Variants in UAP1 observed in about 807,000 individuals in gnomAD.
The protein encoded by UAP1 is UDP-N-acetylglucosamine pyrophosphorylase 1, also known as UDP-N-acetylhexosamine pyrophosphorylase.
In UAP1, 25 loss-of-function variants were observed where a neutral mutation model predicts 58.5. The observed-to-expected ratio is 0.43, with a 90% confidence interval of 0.31 to 0.60. The LOEUF (loss-of-function observed/expected upper bound fraction) is 0.60, where lower values mean the gene tolerates loss of function less well. Among genes scored for constraint, UAP1 ranks in the 20% least tolerant of loss-of-function variants. The pLI is 0.11. For synonymous variants in UAP1, 208 were observed against 213.0 expected (o/e 0.98, Z 0.21); for missense variants, 575 against 630.0 (o/e 0.91, Z 0.93).
At chr1:162,590,348 C>A (rs752863150) in exon 8 of UAP1, 2 of 1,611,420 alleles carry the variant, frequency 1.2e-6, no homozygotes, top group African/African-American at 2.7e-5. Flanking sequence ...TGAAGTATTG[C>A]GAGAAGATGA....
intron 3 of UAP1, among the ~76,000 whole-genome samples, chr1:162,577,186 A>G (rs891791273): frequency 6.6e-6 from 1 of 152,054 alleles, no homozygotes; most frequent in Non-Finnish European, 1.5e-5. Context: ...ATATATACTC[A>G]CCGCCAACTT....
At chr1:162,569,602 ATTC>A (rs948748737) in intron 2 of UAP1, among the ~76,000 whole-genome samples, 3 of 152,204 alleles carry the variant, frequency 2.0e-5, no homozygotes, top group African/African-American at 7.2e-5. Context: ...AAAAATTCCC[ATTC>A]TTTATTAAAA....
At chr1:162,590,957 C>T (rs1283693395) in intron 8 of UAP1, among the ~76,000 whole-genome samples, 3 of 147,034 alleles carry the variant, frequency 2.0e-5, no homozygotes, top group African/African-American at 5.1e-5. Flanking sequence ...CAGAGTCTTG[C>T]TTTGTCACCA....
chr1:162,577,435 C>CATTTTTTTT (rs779214500), intron 3 of UAP1, among the ~76,000 whole-genome samples: 1 of 95,212 alleles, frequency 1.1e-5, no homozygotes. Flanking sequence ...AGTTCCTTCC[C>CATTTTTTTT]TTTTTTTTTT....
intron 2 of UAP1, among the ~76,000 whole-genome samples, chr1:162,568,456 T>C (rs573966166): frequency 1.7e-4 from 26 of 152,350 alleles, no homozygotes; most frequent in Non-Finnish European, 3.5e-4. Flanking sequence ...TGTTTGATCT[T>C]TACATGAGGT....
intron 2 of UAP1, among the ~76,000 whole-genome samples, chr1:162,574,155 C>T (rs749342954): frequency 2.0e-5 from 3 of 148,134 alleles, no homozygotes; most frequent in Admixed American, 1.4e-4. Flanking sequence ...TGCAGTGGCA[C>T]GATCTCAGCT....
intron 2 of UAP1, among the ~76,000 whole-genome samples, chr1:162,574,093 C>CTTTTTTT (rs1204675147): frequency 1.5e-5 from 2 of 134,916 alleles, no homozygotes; most frequent in Non-Finnish European, 3.2e-5. Flanking sequence ...CTTTTCTTTT[C>CTTTTTTT]TTTTTTTTTT....
chr1:162,589,037 T>A (rs1655089612), intron 7 of UAP1, among the ~76,000 whole-genome samples: 1 of 134,920 alleles, frequency 7.4e-6, no homozygotes, highest in Non-Finnish European at 1.6e-5. Context: ...GAGTACAACT[T>A]TTTTTTTTTT....
intron 1 of UAP1, among the ~76,000 whole-genome samples, chr1:162,565,075 C>A (rs1324338391): frequency 6.6e-6 from 1 of 151,896 alleles, no homozygotes; most frequent in African/African-American, 2.4e-5. Context: ...TGCCATGTTG[C>A]CCAGGTTGGT....
At chr1:162,575,680 G>A (rs1654135504) in intron 2 of UAP1, among the ~76,000 whole-genome samples, 1 of 148,792 alleles carries the variant, frequency 6.7e-6, no homozygotes, top group Non-Finnish European at 1.5e-5. Context: ...CATGTGATCT[G>A]CCTGTCTCGT....
intron 2 of UAP1, among the ~76,000 whole-genome samples, chr1:162,571,366 G>A (rs569824824): frequency 6.6e-6 from 1 of 152,126 alleles, no homozygotes; most frequent in African/African-American, 2.4e-5. Flanking sequence ...CTGACCTCAA[G>A]TGATTTGCCT....
At chr1:162,582,821 G>A (rs1434037846) in intron 5 of UAP1, among the ~76,000 whole-genome samples, 1 of 152,126 alleles carries the variant, frequency 6.6e-6, no homozygotes, top group East Asian at 1.9e-4. Context: ...TTTATGCAAA[G>A]TCTCATTGGA....
intron 4 of UAP1, among the ~76,000 whole-genome samples, chr1:162,581,049 G>C (rs1404941359): frequency 6.6e-6 from 1 of 152,078 alleles, no homozygotes; most frequent in East Asian, 1.9e-4. Context: ...TGGTTTTTGG[G>C]GTTGCCTGAT....
intron 1 of UAP1, among the ~76,000 whole-genome samples, chr1:162,563,626 G>C (rs1299627112): frequency 6.6e-6 from 1 of 152,182 alleles, no homozygotes; most frequent in African/African-American, 2.4e-5. Context: ...GCCTCCCAAA[G>C]TACTGGAATT....
At chr1:162,595,485 T>TAG (rs750083409) in intron 9 of UAP1, among the ~76,000 whole-genome samples, 1 of 152,174 alleles carries the variant, frequency 6.6e-6, no homozygotes, top group Non-Finnish European at 1.5e-5. Flanking sequence ...AGGTCTGGAC[T>TAG]AGACCTCTTG....
chr1:162,579,839 TTTC>T (rs1654473321), intron 4 of UAP1, among the ~76,000 whole-genome samples: 1 of 152,154 alleles, frequency 6.6e-6, no homozygotes, highest in Non-Finnish European at 1.5e-5. Context: ...CAGGGTATTC[TTTC>T]TCTATAACAA....
intron 2 of UAP1, among the ~76,000 whole-genome samples, chr1:162,573,447 A>T (rs1293755815): frequency 6.6e-6 from 1 of 152,136 alleles, no homozygotes; most frequent in African/African-American, 2.4e-5. Flanking sequence ...TGCCTCTTAG[A>T]TTATAGTTAC....
chr1:162,574,644 CTGTTT>C (rs1654066953), intron 2 of UAP1, among the ~76,000 whole-genome samples: 1 of 152,132 alleles, frequency 6.6e-6, no homozygotes, highest in African/African-American at 2.4e-5. Flanking sequence ...AAGAACGAAA[CTGTTT>C]ACCATGGTTT....
chr1:162,595,888 G>T (rs1212888281), intron 9 of UAP1, among the ~76,000 whole-genome samples: 7 of 152,040 alleles, frequency 4.6e-5, no homozygotes, highest in African/African-American at 1.7e-4. Context: ...GTCTTGCTCT[G>T]TTGCCCAGGC....
Sources: allele counts gnomAD v4.1 joint callset (sites outside exome capture counted in the v4.1 genomes callset), GRCh38; gene constraint gnomAD v4.1.1; transcripts MANE v1.5; gene names NCBI Gene and HGNC (gene_info 2026-07-23, HGNC 2026-07-21).